The following ELFN1 variants were observed in gnomAD, a reference collection of about 807,000 sequenced individuals.
ELFN1 encodes the protein extracellular leucine rich repeat and fibronectin type III domain containing 1.
A neutral mutation model predicts 7.6 loss-of-function variants in ELFN1; 6 were observed. That is an observed-to-expected ratio of 0.79 (90% confidence interval 0.43 to 1.56). ELFN1 has a LOEUF of 1.56. Among genes scored for constraint, ELFN1 ranks in the 40% most tolerant of loss-of-function variants. The probability of loss-of-function intolerance (pLI) is 0.01; values close to 1 mark genes in which losing one functional copy is unlikely to be tolerated. For missense variants in ELFN1, 1,169 were observed against 1,232.2 expected (o/e 0.95, Z 0.77); for synonymous variants, 657 against 588.1 (o/e 1.12, Z -1.70).
At chr7:1,719,722 TG>T (rs1045449252) in intron 3 of ELFN1, among the ~76,000 whole-genome samples, 1 of 152,186 alleles carries the variant, frequency 6.6e-6, no homozygotes, top group Non-Finnish European at 1.5e-5. Context: ...CCCCAAATGG[TG>T]GGGTTCGAAG....
chr7:1,717,156 C>T lies in ELFN1; in HGVS notation c.-294+7904C>T, dbSNP rs530417896. On this transcript the variant is annotated intron_variant, in intron 3 of 3. Coordinates refer to ENST00000424383, the MANE Select transcript of ELFN1 (RefSeq NM_001128636.4). ...GATAGGCATCAGTGGTGCCGCCGCA[C>T]GCAGGAAATAGAGGCAGACAGGGGC... 2.5e-3 allele frequency among the ~76,000 whole-genome samples: 383 copies of T among 152,268 alleles called. 1 individual carries two copies. The highest frequency in any genetic ancestry group is 9.0e-3 in the African/African-American group (373 of 41,540).
rs867372048 is a variant in ELFN1, at chr7:1,746,714, G to C, written c.2118G>C (p.Ser706=). 10 of 1,475,192 alleles carry C rather than the reference G, an allele frequency of 6.8e-6. No individual in the cohort carries two copies. The highest frequency in any genetic ancestry group is 2.3e-5 in the Admixed American group (1 of 42,774). The allele number at this position is 1,475,192 out of a possible 1,614,324, so 91.4% of individuals were successfully genotyped here. The change falls in exon 4 of 4, where the codon TCG becomes TCC. Residue 706 remains serine (S), a synonymous_variant. Coordinates refer to ENST00000424383, the MANE Select transcript of ELFN1 (RefSeq NM_001128636.4). ...GCCAGTACGGCGAGCACCGGCACTC[G>C]TACCCCGGCTCCCACCCGGCCGAGC... ...KGRQYGEHRH[S]YPGSHPAEPP...
chr7:1,719,083 C>A (rs10229636), intron 3 of ELFN1, among the ~76,000 whole-genome samples: 1 of 150,314 alleles, frequency 6.7e-6, no homozygotes, highest in Non-Finnish European at 1.5e-5. Flanking sequence ...TCTCCACCCC[C>A]AGGGGTTACC....
At chr7:1,708,792 T>A (rs372846197) in intron 2 of ELFN1, among the ~76,000 whole-genome samples, 59 of 152,234 alleles carry the variant, frequency 3.9e-4, no homozygotes, top group East Asian at 3.7e-3. Flanking sequence ...CTGGAATTGG[T>A]TGCAGTGACC....
upstream of ELFN1, among the ~76,000 whole-genome samples, chr7:1,667,857 C>T (rs1018232747): frequency 6.6e-6 from 1 of 151,708 alleles, no homozygotes; most frequent in African/African-American, 2.4e-5. This position sits in a 1 kb window ranked among gnomAD's most constrained non-coding sequence, Gnocchi z 8.2. Context: ...GCGGCGCCGG[C>T]GTCCGGGTAA....
intron 1 of ELFN1, among the ~76,000 whole-genome samples, chr7:1,677,395 G>C (rs1378520005): frequency 6.6e-6 from 1 of 152,214 alleles, no homozygotes. Context: ...GGGATTCTCA[G>C]ATCTTCATTT....
intron 1 of ELFN1, among the ~76,000 whole-genome samples, chr7:1,675,139 C>A (rs1404256326): frequency 2.9e-4 from 43 of 146,366 alleles, no homozygotes; most frequent in Admixed American, 2.8e-3. Flanking sequence ...CCACATTCCA[C>A]CCCTGTGCAC....
intron 3 of ELFN1, among the ~76,000 whole-genome samples, chr7:1,727,260 C>T (rs967474194): frequency 6.6e-6 from 1 of 152,214 alleles, no homozygotes; most frequent in African/African-American, 2.4e-5. Context: ...GCCTCTCCAC[C>T]ATGCAGTCTT....
chr7:1,746,893 C>G lies in ELFN1; in HGVS notation c.2297C>G (p.Pro766Arg). 1.9e-6 allele frequency: 3 copies of G among 1,546,666 alleles called. No homozygotes were observed. Among genetic ancestry groups the G allele is most frequent in the South Asian group, 1.2e-5 (1 of 83,396 alleles). The change falls in exon 4 of 4, where the codon CCC becomes CGC. Residue 766 changes from proline (P) to arginine (R), a missense_variant. Coordinates refer to ENST00000424383, the MANE Select transcript of ELFN1 (RefSeq NM_001128636.4). ...QYHSLSYSSS[P>R]EYTCRASQSI... The stretch of plus-strand genomic sequence containing the variant: ...CACAGCCTGAGCTACTCCTCCAGCC[C>G]CGAGTACACCTGCCGGGCCTCCCAG...
At chr7:1,719,918 C>G (rs1462310441) in intron 3 of ELFN1, among the ~76,000 whole-genome samples, 3 of 151,250 alleles carry the variant, frequency 2.0e-5, no homozygotes, top group Non-Finnish European at 4.4e-5. Flanking sequence ...AAACCCTCCC[C>G]CACCATCACC....
rs536684030 is a variant in ELFN1, at chr7:1,742,711, G to A, written c.-293-1593G>A. Among the ~76,000 whole-genome samples, 198 of 152,336 alleles carry A rather than the reference G, an allele frequency of 1.3e-3. 1 individual carries two copies. The highest frequency in any genetic ancestry group is 3.9e-3 in the African/African-American group (161 of 41,582). The stretch of plus-strand genomic sequence containing the variant: ...AGGCCAAGCCCTGGGTTAGCTCCCC[G>A]AGGCCCGCTAGGACCTCGTTGTAGC... On this transcript the variant is annotated intron_variant, in intron 3 of 3. Coordinates refer to ENST00000424383, the MANE Select transcript of ELFN1 (RefSeq NM_001128636.4).
At chr7:1,670,103 G>C (rs1273178122), upstream of ELFN1, among the ~76,000 whole-genome samples, 1 of 150,734 alleles carries the variant, frequency 6.6e-6, no homozygotes. The surrounding 1 kb of genome is among the most constrained non-coding windows in gnomAD (Gnocchi z 6.4). Flanking sequence ...CGGAGGAAGA[G>C]GGGGTGGAAG....
intron 3 of ELFN1, among the ~76,000 whole-genome samples, chr7:1,734,845 A>C (rs1780402431): frequency 6.6e-6 from 1 of 151,538 alleles, no homozygotes; most frequent in Admixed American, 6.6e-5. Context: ...TCACAGGCGC[A>C]CGCCACCACA....
rs1778804875 is a variant in ELFN1 at position 1,673,319 on chromosome 7, T to C, written c.-549+2965T>C. On this transcript the variant is annotated intron_variant, in intron 1 of 3. Coordinates refer to ENST00000424383, the MANE Select transcript of ELFN1 (RefSeq NM_001128636.4). This position sits in a 1 kb window ranked among gnomAD's most constrained non-coding sequence, Gnocchi z 4.7. The stretch of plus-strand genomic sequence containing the variant: ...AGGGGTCCTATGTCTGGCGTCTGTG[T>C]CCTGTTGTGTTGGTTCAGGTCAGGG... Among the ~76,000 whole-genome samples the C allele has an allele frequency of 6.6e-6, 1 of 152,132 alleles. No homozygotes were observed. The highest frequency in any genetic ancestry group is 1.5e-5 in the Non-Finnish European group (1 of 68,028).
chr7:1,693,858 C>A (rs1456991100), intron 2 of ELFN1: 2 of 450,218 alleles, frequency 4.4e-6, no homozygotes, highest in Admixed American at 4.8e-5. Flanking sequence ...GGCAGAGGCT[C>A]CAGCAGGAGT....
At chr7:1,677,556 C>G (rs1290239126) in intron 1 of ELFN1, among the ~76,000 whole-genome samples, 1 of 152,002 alleles carries the variant, frequency 6.6e-6, no homozygotes, top group Non-Finnish European at 1.5e-5. Flanking sequence ...AGATTCGTGT[C>G]TGAATATGGG....
chr7:1,737,598 C>T (rs922591013), intron 3 of ELFN1, among the ~76,000 whole-genome samples: 4 of 152,198 alleles, frequency 2.6e-5, no homozygotes, highest in African/African-American at 9.7e-5. Context: ...CCACCTTCAA[C>T]GTTCCCTGAA....
chr7:1,719,342 C>G (rs950002752), intron 3 of ELFN1, among the ~76,000 whole-genome samples: 1 of 146,804 alleles, frequency 6.8e-6, no homozygotes, highest in Admixed American at 6.7e-5. Flanking sequence ...GGGCCCCGCC[C>G]ACCAACAGGG....
intron 3 of ELFN1, among the ~76,000 whole-genome samples, chr7:1,714,066 G>T (rs112436017): frequency 6.6e-6 from 1 of 152,178 alleles, no homozygotes; most frequent in Non-Finnish European, 1.5e-5. Flanking sequence ...TGCCTCACAC[G>T]GGCGGGCTGG....
Sources: allele counts gnomAD v4.1 joint callset (sites outside exome capture counted in the v4.1 genomes callset), GRCh38; gene constraint gnomAD v4.1.1; non-coding constraint Gnocchi (gnomAD v3.1); transcripts MANE v1.5; gene names NCBI Gene and HGNC (gene_info 2026-07-23, HGNC 2026-07-21).